Variants in GRIK2 observed in about 807,000 individuals in gnomAD.
GRIK2 encodes glutamate ionotropic receptor kainate type subunit 2.
In GRIK2, 32 loss-of-function variants were observed where a neutral mutation model predicts 100.3. That is an observed-to-expected ratio of 0.32 (90% CI 0.24 to 0.43). The LOEUF is 0.43. Ranked by LOEUF, GRIK2 falls within the 20% of genes least tolerant of loss-of-function variation. GRIK2 has a pLI of 1.00. For synonymous variants in GRIK2, 417 were observed against 389.4 expected (o/e 1.07, Z -0.83); for missense variants, 843 against 1,114.9 (o/e 0.76, Z 3.47).
At chr6:101,471,835 A>G (rs1040733445) in intron 2 of GRIK2, among the ~76,000 whole-genome samples, 1 of 151,932 alleles carries the variant, frequency 6.6e-6, no homozygotes, top group African/African-American at 2.4e-5. Context: ...CTTCCCCTTT[A>G]GTATGATTCT....
chr6:101,833,199 A>C (rs933015763), intron 10 of GRIK2, among the ~76,000 whole-genome samples: 1 of 151,942 alleles, frequency 6.6e-6, no homozygotes, highest in African/African-American at 2.4e-5. Flanking sequence ...TTTACTCTTC[A>C]TGCCTGATCT....
intron 16 of GRIK2, among the ~76,000 whole-genome samples, chr6:102,067,085 G>A (rs897519912): frequency 2.6e-5 from 4 of 151,598 alleles, no homozygotes; most frequent in Non-Finnish European, 5.9e-5. Context: ...AGTATGTTTA[G>A]ACTGGCACAA....
At chr6:101,672,179 C>T (rs914805676) in intron 4 of GRIK2, among the ~76,000 whole-genome samples, 11 of 152,108 alleles carry the variant, frequency 7.2e-5, no homozygotes, top group South Asian at 4.1e-4. Context: ...ACAACCAACC[C>T]GCACAACCCT....
In GRIK2 at chr6:101,524,732, T is replaced by C. The variant is rs76827831; in HGVS notation, c.116-97217T>C. Among the ~76,000 whole-genome samples, 439 of 151,508 alleles carry C rather than the reference T, an allele frequency of 2.9e-3. 4 individuals carry two copies. The highest frequency in any genetic ancestry group is 9.5e-3 in the African/African-American group (392 of 41,272). ...CTTGCATGTTCGTTTTTTTTTTTTTTTTCTTCTTTTTTCTTTGAGGTGGAG... is the reference window on the plus strand; with the variant it reads ...CTTGCATGTTCGTTTTTTTTTTTTTCTTCTTCTTTTTTCTTTGAGGTGGAG... On this transcript the variant is annotated intron_variant, in intron 2 of 16. Coordinates refer to ENST00000369134, the MANE Select transcript of GRIK2 (RefSeq NM_021956.5).
chr6:101,772,785 C>G (rs772159296), intron 7 of GRIK2, among the ~76,000 whole-genome samples: 1 of 151,836 alleles, frequency 6.6e-6, no homozygotes, highest in Non-Finnish European at 1.5e-5. Context: ...TACTCTCTAA[C>G]ATTAATAGAT....
chr6:101,720,868 T>C (rs1774432859), intron 7 of GRIK2, among the ~76,000 whole-genome samples: 1 of 152,102 alleles, frequency 6.6e-6, no homozygotes, highest in South Asian at 2.1e-4. Context: ...GACAATACTG[T>C]AAATTTTTAT....
At chr6:101,975,889 A>G (rs1023640875) in intron 14 of GRIK2, among the ~76,000 whole-genome samples, 1 of 151,434 alleles carries the variant, frequency 6.6e-6, no homozygotes, top group Non-Finnish European at 1.5e-5. Flanking sequence ...TATTTAATCT[A>G]TTTTTCTTTG....
At chr6:101,451,705 G>A (rs1025039757) in intron 2 of GRIK2, among the ~76,000 whole-genome samples, 3 of 139,328 alleles carry the variant, frequency 2.2e-5, no homozygotes, top group African/African-American at 5.3e-5. Context: ...AGGGGGGGGG[G>A]GGTGCCAAAT....
chr6:101,782,020 T>A (rs1318649462), intron 7 of GRIK2, among the ~76,000 whole-genome samples: 1 of 152,204 alleles, frequency 6.6e-6, no homozygotes, highest in Non-Finnish European at 1.5e-5. Context: ...CCCCTTTATT[T>A]TATTTTATTG....
At chr6:102,008,828 T>G (rs1460082941) in intron 14 of GRIK2, among the ~76,000 whole-genome samples, 3 of 152,094 alleles carry the variant, frequency 2.0e-5, no homozygotes, top group Non-Finnish European at 2.9e-5. Context: ...AGAACCATGC[T>G]ATTATAATAT....
At chr6:101,740,884 G>T (rs1213275967) in intron 7 of GRIK2, among the ~76,000 whole-genome samples, 2 of 152,180 alleles carry the variant, frequency 1.3e-5, no homozygotes, top group East Asian at 3.9e-4. Flanking sequence ...ATTCATGAGG[G>T]TTCTGCCCAC....
chr6:101,901,476 A>G (rs937948426), intron 12 of GRIK2, among the ~76,000 whole-genome samples: 25 of 150,114 alleles, frequency 1.7e-4, no homozygotes, highest in African/African-American at 5.8e-4. Context: ...AAAATGATCA[A>G]TAGATGATTA....
intron 12 of GRIK2, among the ~76,000 whole-genome samples, chr6:101,921,955 A>ATTTTAAT (rs933240772): frequency 6.6e-6 from 1 of 152,140 alleles, no homozygotes; most frequent in African/African-American, 2.4e-5. Flanking sequence ...CATGTACATT[A>ATTTTAAT]TTTTAATTTA....
intron 10 of GRIK2, among the ~76,000 whole-genome samples, chr6:101,846,745 G>A (rs1783832785): frequency 6.6e-6 from 1 of 151,960 alleles, no homozygotes; most frequent in African/African-American, 2.4e-5. Context: ...TGATAGCAGT[G>A]TCTCTGTAGA....
intron 7 of GRIK2, among the ~76,000 whole-genome samples, chr6:101,716,041 C>T (rs191635779): frequency 2.6e-4 from 40 of 151,848 alleles, no homozygotes; most frequent in African/African-American, 9.4e-4. Context: ...TACCTGCTTC[C>T]CCTTCTATCT....
intron 10 of GRIK2, among the ~76,000 whole-genome samples, chr6:101,838,680 T>A (rs1783302093): frequency 6.7e-6 from 1 of 149,602 alleles, no homozygotes; most frequent in Admixed American, 6.7e-5. Context: ...AGACGGAGAC[T>A]TGCTCTTGTT....
chr6:101,739,274 T>G (rs1004824355), intron 7 of GRIK2, among the ~76,000 whole-genome samples: 1 of 152,228 alleles, frequency 6.6e-6, no homozygotes, highest in African/African-American at 2.4e-5. Flanking sequence ...ATAAATCACA[T>G]AGGCCCTCAG....
At chr6:101,986,787 T>G (rs115947471) in intron 14 of GRIK2, among the ~76,000 whole-genome samples, 163 of 151,906 alleles carry the variant, frequency 1.1e-3, no homozygotes, top group African/African-American at 3.8e-3. Flanking sequence ...GTTGACTAAG[T>G]GAACCTTTCA....
intron 2 of GRIK2, chr6:101,620,410 G>C (rs998829763): frequency 1.3e-5 from 2 of 152,358 alleles, no homozygotes; most frequent in Non-Finnish European, 2.9e-5. Context: ...TCCAGAATAA[G>C]AGAAATATTT....
Sources: allele counts gnomAD v4.1 joint callset (sites outside exome capture counted in the v4.1 genomes callset), GRCh38; gene constraint gnomAD v4.1.1; transcripts MANE v1.5; gene names NCBI Gene and HGNC (gene_info 2026-07-23, HGNC 2026-07-21).